The following AGBL1 variants were observed in gnomAD, a reference collection of about 807,000 sequenced individuals.
The protein encoded by AGBL1 is cytosolic carboxypeptidase 4.
Under a neutral mutation model 118.9 loss-of-function variants are expected in AGBL1, and 130 were observed. The ratio of observed to expected loss-of-function variants is 1.09; its 90% CI spans 0.95 to 1.26. The LOEUF (loss-of-function observed/expected upper bound fraction) is 1.26. Among genes scored for constraint, AGBL1 ranks in the 50% most tolerant of loss-of-function variants. The pLI is 0.00. For synonymous variants in AGBL1, 555 were observed against 478.9 expected (o/e 1.16, Z -2.08); for missense variants, 1,584 against 1,298.1 (o/e 1.22, Z -3.38).
At chr15:86,778,349 G>A (rs1462242884) in intron 22 of AGBL1, among the ~76,000 whole-genome samples, 1 of 152,140 alleles carries the variant, frequency 6.6e-6, no homozygotes, top group East Asian at 1.9e-4. Flanking sequence ...GGGTTTGAGA[G>A]CAGACAACCA....
intron 17 of AGBL1, among the ~76,000 whole-genome samples, chr15:86,354,390 T>G (rs1460638002): frequency 6.6e-6 from 1 of 152,204 alleles, no homozygotes; most frequent in Non-Finnish European, 1.5e-5. Context: ...ACAGACCAAT[T>G]GGCATGGCCT....
At chr15:86,923,353 T>C (rs1345797744) in intron 23 of AGBL1, among the ~76,000 whole-genome samples, 1 of 152,196 alleles carries the variant, frequency 6.6e-6, no homozygotes, top group Non-Finnish European at 1.5e-5. Flanking sequence ...TTGTCTTCAA[T>C]ACACAGGGCC....
At chr15:86,797,199 A>G (rs1340596688) in intron 22 of AGBL1, among the ~76,000 whole-genome samples, 1 of 152,228 alleles carries the variant, frequency 6.6e-6, no homozygotes, top group Non-Finnish European at 1.5e-5. Context: ...GATATTTTAT[A>G]TATAATTCTC....
chr15:86,838,941 TAAAAA>T (rs386383698), intron 22 of AGBL1, among the ~76,000 whole-genome samples: 45 of 48,004 alleles, frequency 9.4e-4, no homozygotes, highest in Admixed American at 2.6e-3. Context: ...TGAGATCCTG[TAAAAA>T]AAAAAAAAAA....
chr15:86,945,964 C>G (rs1212604417), intron 23 of AGBL1, among the ~76,000 whole-genome samples: 1 of 152,214 alleles, frequency 6.6e-6, no homozygotes, highest in African/African-American at 2.4e-5. Flanking sequence ...TATCTGATTT[C>G]ATCTACTCAA....
At chr15:86,729,888 G>T (rs1004656714) in intron 22 of AGBL1, among the ~76,000 whole-genome samples, 1 of 152,082 alleles carries the variant, frequency 6.6e-6, no homozygotes, top group Admixed American at 6.5e-5. Context: ...CATTCCCACC[G>T]GCAGTATATA....
At chr15:86,969,908 A>G (rs2081090289) in intron 23 of AGBL1, among the ~76,000 whole-genome samples, 1 of 151,938 alleles carries the variant, frequency 6.6e-6, no homozygotes, top group Non-Finnish European at 1.5e-5. Context: ...ATCTTTAAAC[A>G]TCAGCAAAAA....
chr15:86,674,528 C>T, intron 22 of AGBL1, 92 bp downstream of exon 22: 1 of 1,277,308 alleles, frequency 7.8e-7, no homozygotes, highest in Non-Finnish European at 1.1e-6. Context: ...ACCTAGGGGT[C>T]TTTACACAGA....
rs188949411 is a variant in AGBL1 at position 86,673,414 on chromosome 15, C to A, written c.2995-859C>A. On this transcript the variant is annotated intron_variant, in intron 21 of 22. Transcript: ENST00000614907. The stretch of plus-strand genomic sequence containing the variant: ...AAACCACGCACTTTCTAGCTCACCA[C>A]AATGGAGTCTCTTCTAGTCGCTATA... 3.9e-5 allele frequency among the ~76,000 whole-genome samples: 6 copies of A among 152,326 alleles called. No homozygotes were observed. The East Asian group carries it at 9.7e-4, about 25-fold the overall frequency.
intron 18 of AGBL1, among the ~76,000 whole-genome samples, chr15:86,445,150 A>G (rs2082106652): frequency 6.6e-6 from 1 of 152,196 alleles, no homozygotes; most frequent in Non-Finnish European, 1.5e-5. Context: ...GGGGTCAAGA[A>G]CAATCACACT....
At chr15:86,540,049 G>A (rs1193897508) in intron 19 of AGBL1, among the ~76,000 whole-genome samples, 1 of 152,140 alleles carries the variant, frequency 6.6e-6, no homozygotes, top group African/African-American at 2.4e-5. Flanking sequence ...ACAAACTTGG[G>A]CAAGTTACTT....
chr15:86,873,825 T>C (rs1057065067), intron 22 of AGBL1, among the ~76,000 whole-genome samples: 1 of 152,160 alleles, frequency 6.6e-6, no homozygotes, highest in Non-Finnish European at 1.5e-5. Flanking sequence ...CTACCTCTTT[T>C]GGTGGTAGTA....
intron 24 of AGBL1, among the ~76,000 whole-genome samples, chr15:87,008,366 C>G (rs529872204): frequency 6.6e-6 from 1 of 152,298 alleles, no homozygotes; most frequent in African/African-American, 2.4e-5. Context: ...TGCACAAGCT[C>G]TCTTTAATTG....
intron 22 of AGBL1, among the ~76,000 whole-genome samples, chr15:86,806,750 T>C (rs1159624491): frequency 6.7e-6 from 1 of 149,944 alleles, no homozygotes; most frequent in Non-Finnish European, 1.5e-5. Context: ...AAAGTTCTCA[T>C]TATTATTTTA....
At chr15:86,273,429 A>G (rs1159113597) in intron 15 of AGBL1, among the ~76,000 whole-genome samples, 1 of 152,232 alleles carries the variant, frequency 6.6e-6, no homozygotes, top group African/African-American at 2.4e-5. Context: ...ATTGTAATGT[A>G]GTTTGTTTTA....
intron 22 of AGBL1, among the ~76,000 whole-genome samples, chr15:86,867,303 C>T (rs562288572): frequency 2.0e-5 from 3 of 152,214 alleles, no homozygotes; most frequent in South Asian, 2.1e-4. Context: ...ACTTGATGTG[C>T]TGGTACTTCA....
At chr15:86,987,552 T>A (rs746678114) in intron 23 of AGBL1, among the ~76,000 whole-genome samples, 1 of 152,184 alleles carries the variant, frequency 6.6e-6, no homozygotes, top group African/African-American at 2.4e-5. Flanking sequence ...GAAATTTGGC[T>A]GTTTTTAATT....
At position 86,190,913 on chromosome 15, in the gene AGBL1, A is replaced by C. The variant is rs145504987; in HGVS notation, c.488+31887A>C. ...CTGGGGAAAACATTACCCAAGAAACAAATGCAAATTTCCTACAACTGCTTT... is the reference window on the plus strand; with the variant it reads ...CTGGGGAAAACATTACCCAAGAAACCAATGCAAATTTCCTACAACTGCTTT... On this transcript the variant is annotated intron_variant, in intron 5 of 22. Coordinates refer to ENST00000614907, the MANE Select transcript of AGBL1 (RefSeq NM_001386094.1). Among the ~76,000 whole-genome samples the C allele has an allele frequency of 3.7e-3, 561 of 152,340 alleles. 8 individuals are homozygous for C. The highest frequency in any genetic ancestry group is 0.014 in the Middle Eastern group (4 of 294).
intron 22 of AGBL1, among the ~76,000 whole-genome samples, chr15:86,763,945 C>T (rs1047727827): frequency 6.6e-6 from 1 of 151,822 alleles, no homozygotes; most frequent in Non-Finnish European, 1.5e-5. Context: ...TCTGGAGATA[C>T]AGAGATAGAA....
Sources: gnomAD v4.1 joint callset for allele counts (sites outside exome capture counted in the v4.1 genomes callset) on GRCh38, gnomAD v4.1.1 for gene constraint, MANE v1.5 for transcripts, NCBI Gene and HGNC (gene_info 2026-07-23, HGNC 2026-07-21) for gene names.